CLIC5: variants seen among roughly 807,000 people sequenced by gnomAD.
CLIC5 encodes CLIC family member 5.
A neutral mutation model predicts 24.7 loss-of-function variants in CLIC5; 20 were observed. The observed-to-expected ratio is 0.81, with a 90% CI of 0.57 to 1.18. The LOEUF (loss-of-function observed/expected upper bound fraction) is 1.18. CLIC5 is among the 50% of genes most tolerant of loss of function. The pLI is 0.00. For missense variants in CLIC5, 341 were observed against 326.1 expected (o/e 1.05, Z -0.35); for synonymous variants, 159 against 135.6 (o/e 1.17, Z -1.20).
At chr6:45,960,521 T>G (rs938573695) in intron 1 of CLIC5, among the ~76,000 whole-genome samples, 2 of 152,176 alleles carry the variant, frequency 1.3e-5, no homozygotes, top group East Asian at 3.9e-4. Context: ...GTGGGCAGTG[T>G]AGCTGTGAGG....
Position 45,881,893 on chromosome 6 carries a change from C to T in CLIC5, c.624-705G>A, listed in dbSNP as rs115507362. 2.0e-3 allele frequency among the ~76,000 whole-genome samples: 299 copies of T among 152,064 alleles called. 1 individual carries two copies. Among genetic ancestry groups the T allele is most frequent in the African/African-American group, 6.6e-3 (272 of 41,468 alleles). On this transcript the variant is annotated intron_variant, in intron 6 of 6. Transcript: ENST00000644324. ...TGGGTCTGGTTTGAAATGTCGAACTCGTGAACTTGGACTGTATTCTGGAAA... is the reference window on the plus strand; with the variant it reads ...TGGGTCTGGTTTGAAATGTCGAACTTGTGAACTTGGACTGTATTCTGGAAA...
chr6:46,121,373 G>A, the CLIC5 span, among the ~76,000 whole-genome samples: 1 of 152,122 alleles, frequency 6.6e-6, no homozygotes, highest in African/African-American at 2.4e-5. Flanking sequence ...TTACAGACAA[G>A]CAAATGCTGA....
chr6:45,927,887 C>A (rs1228298882), intron 4 of CLIC5, among the ~76,000 whole-genome samples: 5 of 152,108 alleles, frequency 3.3e-5, no homozygotes, highest in Non-Finnish European at 4.4e-5. Flanking sequence ...TCCCTTCCAA[C>A]TAAGAACCTA....
At chr6:45,964,997 G>A (rs1414094743) in intron 1 of CLIC5, among the ~76,000 whole-genome samples, 5 of 152,182 alleles carry the variant, frequency 3.3e-5, no homozygotes, top group Non-Finnish European at 5.9e-5. Context: ...CATTTAGGAA[G>A]AGCTTGTTAA....
At chr6:45,970,990 A>C (rs1214360712) in intron 1 of CLIC5, among the ~76,000 whole-genome samples, 1 of 152,252 alleles carries the variant, frequency 6.6e-6, no homozygotes, top group African/African-American at 2.4e-5. Context: ...GAAAAAACTG[A>C]AAGTGGCCAT....
intron 6 of CLIC5, among the ~76,000 whole-genome samples, chr6:45,881,873 C>G (rs903737283): frequency 2.0e-5 from 3 of 152,126 alleles, no homozygotes; most frequent in African/African-American, 7.2e-5. Flanking sequence ...GGGCATGGGT[C>G]TGGTTTGAAA....
intron 6 of CLIC5, among the ~76,000 whole-genome samples, chr6:45,892,535 C>G (rs781042265): frequency 6.6e-6 from 1 of 152,176 alleles, no homozygotes; most frequent in Non-Finnish European, 1.5e-5. Flanking sequence ...CCTGTGGGTG[C>G]AGTGCGGGCT....
intron 1 of CLIC5, among the ~76,000 whole-genome samples, chr6:46,045,799 T>C (rs908179720): frequency 6.6e-6 from 1 of 152,222 alleles, no homozygotes; most frequent in Non-Finnish European, 1.5e-5. Context: ...AATTATGCCA[T>C]ATTACTAATT....
chr6:45,986,565 C>T (rs533567022), intron 1 of CLIC5, among the ~76,000 whole-genome samples: 11 of 152,282 alleles, frequency 7.2e-5, no homozygotes, highest in Admixed American at 2.0e-4. Context: ...AAGGACACAG[C>T]CAGGATAAGC....
chr6:45,960,962 A>G (rs1326326199), intron 1 of CLIC5, among the ~76,000 whole-genome samples: 2 of 152,150 alleles, frequency 1.3e-5, no homozygotes, highest in Non-Finnish European at 1.5e-5. Flanking sequence ...CTTATATGTC[A>G]TGGTTACTCT....
chr6:45,939,909 T>A (rs1486372174), intron 4 of CLIC5, among the ~76,000 whole-genome samples: 1 of 151,972 alleles, frequency 6.6e-6, no homozygotes, highest in Non-Finnish European at 1.5e-5. Flanking sequence ...ACTATAGGGT[T>A]CAAGCAGCAA....
chr6:46,103,910 C>T, the CLIC5 span, among the ~76,000 whole-genome samples: 1 of 152,138 alleles, frequency 6.6e-6, no homozygotes, highest in Non-Finnish European at 1.5e-5. Context: ...ACCCATCAGG[C>T]TCCCAGCCTC....
chr6:46,081,063 A>C (rs894757523), upstream of CLIC5, among the ~76,000 whole-genome samples: 3 of 152,348 alleles, frequency 2.0e-5, no homozygotes, highest in Admixed American at 2.0e-4. Flanking sequence ...CTGTCTTCAA[A>C]GGGGCTTTTA....
exon 7 of CLIC5, chr6:45,881,117 C>G (rs899465537): frequency 2.5e-6 from 1 of 398,130 alleles, no homozygotes; most frequent in Non-Finnish European, 4.4e-6. Context: ...TCTTCTTTCT[C>G]TAGCTTCTCC....
chr6:45,983,618 G>A (rs1696360732), intron 1 of CLIC5, among the ~76,000 whole-genome samples: 1 of 152,146 alleles, frequency 6.6e-6, no homozygotes, highest in South Asian at 2.1e-4. Flanking sequence ...TGGCATGTAG[G>A]CAACAGGTAG....
At chr6:46,051,225 T>C (rs2127465283) in intron 1 of CLIC5, among the ~76,000 whole-genome samples, 1 of 152,340 alleles carries the variant, frequency 6.6e-6, no homozygotes, top group East Asian at 1.9e-4. Context: ...CCCTGGCCCT[T>C]GGGGCAATGG....
At chr6:45,964,906 A>G (rs2127397687) in intron 1 of CLIC5, among the ~76,000 whole-genome samples, 1 of 152,344 alleles carries the variant, frequency 6.6e-6, no homozygotes, top group South Asian at 2.1e-4. Flanking sequence ...GAGTTGTATA[A>G]TTGGATGACA....
chr6:45,884,241 C>T (rs562204983), intron 6 of CLIC5, among the ~76,000 whole-genome samples: 272 of 152,228 alleles, frequency 1.8e-3, no homozygotes, highest in Middle Eastern at 3.4e-3. Context: ...GATGGTATGC[C>T]TTATCCTTAA....
intron 3 of CLIC5, among the ~76,000 whole-genome samples, chr6:45,943,084 C>T (rs1427104847): frequency 6.6e-6 from 1 of 152,242 alleles, no homozygotes. Flanking sequence ...CCATTTACTC[C>T]TCAGAACAAC....
Sources: gnomAD v4.1 joint callset for allele counts (sites outside exome capture counted in the v4.1 genomes callset) on GRCh38, gnomAD v4.1.1 for gene constraint, MANE v1.5 for transcripts, NCBI Gene and HGNC (gene_info 2026-07-23, HGNC 2026-07-21) for gene names.